The following CAMTA1 variants were observed in gnomAD, a reference collection of about 807,000 sequenced individuals.
The protein encoded by CAMTA1 is calmodulin binding transcription activator 1.
CAMTA1 carries 27 observed loss-of-function variants against 170.9 expected under a neutral mutation model. The ratio of observed to expected loss-of-function variants is 0.16; its 90% confidence interval spans 0.12 to 0.22. The LOEUF (loss-of-function observed/expected upper bound fraction) is 0.22. CAMTA1 is among the 10% of genes least tolerant of loss of function. CAMTA1 has a pLI of 1.00. For synonymous variants in CAMTA1, 833 were observed against 891.5 expected (o/e 0.93, Z 1.17); for missense variants, 1,619 against 2,217.2 (o/e 0.73, Z 5.42).
In CAMTA1 at chr1:6,865,426, TTA is replaced by T. The variant is rs928997388; in HGVS notation, c.234+40219_234+40220del. 4.6e-5 allele frequency among the ~76,000 whole-genome samples: 7 copies of T among 152,184 alleles called. No individual in the cohort carries two copies. In the East Asian group the frequency reaches 1.2e-3, roughly 25 times the overall value. On this transcript the variant is annotated intron_variant, in intron 3 of 22. Coordinates refer to ENST00000303635, the MANE Select transcript of CAMTA1 (RefSeq NM_015215.4). ...AGCCTGTTGAGGGAGAGGGAGAAAC[TTA>T]TAGATCCTTCAGCATTTCCAGTTGT...
rs556611613 is a variant in CAMTA1 at position 7,609,677 on chromosome 1, A to T, written c.511-30723A>T. On this transcript the variant is annotated intron_variant, in intron 6 of 22. Transcript: ENST00000303635. This position sits in a 1 kb window ranked among gnomAD's most constrained non-coding sequence, Gnocchi z 4.4. ...GACATTGGAGCTCCAGCCTCAAGTCAGATCCCCTGGACCCCAGATCTCTTC... is the reference window on the plus strand; with the variant it reads ...GACATTGGAGCTCCAGCCTCAAGTCTGATCCCCTGGACCCCAGATCTCTTC... Among the ~76,000 whole-genome samples, 5 of 152,340 alleles carry T rather than the reference A, an allele frequency of 3.3e-5. No homozygotes were observed. The highest frequency in any genetic ancestry group is 1.2e-4 in the African/African-American group (5 of 41,584).
chr1:7,582,947 CCTGT>C (rs1362760888), intron 6 of CAMTA1, among the ~76,000 whole-genome samples: 1 of 152,008 alleles, frequency 6.6e-6, no homozygotes, highest in Non-Finnish European at 1.5e-5. Flanking sequence ...CACAGTATCA[CCTGT>C]CTGTCTGCCC....
At chr1:6,920,146 G>A (rs754323215) in intron 3 of CAMTA1, among the ~76,000 whole-genome samples, 1 of 152,188 alleles carries the variant, frequency 6.6e-6, no homozygotes, top group African/African-American at 2.4e-5. Context: ...AAAATCAAAA[G>A]CAAGTTAGTT....
At chr1:6,792,159 T>C (rs368193210) in intron 1 of CAMTA1, among the ~76,000 whole-genome samples, 2 of 152,018 alleles carry the variant, frequency 1.3e-5, no homozygotes, top group African/African-American at 4.8e-5. Context: ...GGTTTCACCA[T>C]GTTGGCCAGG....
At chr1:7,042,429 C>T (rs548757809) in intron 3 of CAMTA1, among the ~76,000 whole-genome samples, 74 of 152,352 alleles carry the variant, frequency 4.9e-4, no homozygotes, top group Admixed American at 1.5e-3. Context: ...TTCCCTGCCT[C>T]TCCCTGTTCA....
chr1:7,262,459 G>C (rs1213437405), intron 5 of CAMTA1, among the ~76,000 whole-genome samples: 1 of 152,188 alleles, frequency 6.6e-6, no homozygotes, highest in East Asian at 1.9e-4. Flanking sequence ...CTACTCAGGA[G>C]GCTGAGGCAG....
intron 7 of CAMTA1, among the ~76,000 whole-genome samples, chr1:7,650,249 G>A (rs542394860): frequency 3.8e-4 from 58 of 152,330 alleles, no homozygotes; most frequent in African/African-American, 1.2e-3. Context: ...TGGTAACAAT[G>A]CCGCTTCGCA....
In CAMTA1 at chr1:7,272,712, A is replaced by AAAAAG. The variant is rs1553297771; in HGVS notation, c.438+23105_438+23109dup. ...ACATGCAAAAAAAAAAAAAAAAAAA[A>AAAAAG]AAAAGAAAAGAAAAGAAAAGAAATT... On this transcript the variant is annotated intron_variant, in intron 5 of 22. Coordinates refer to ENST00000303635, the MANE Select transcript of CAMTA1 (RefSeq NM_015215.4). 8.1e-3 allele frequency among the ~76,000 whole-genome samples: 884 copies of AAAAAG among 109,740 alleles called. 20 individuals are homozygous for AAAAAG. Among genetic ancestry groups the AAAAAG allele is most frequent in the Middle Eastern group, 0.014 (3 of 210 alleles). The allele number at this position is 109,740 out of a possible 152,430, so 72.0% of individuals were successfully genotyped here.
Position 7,580,338 on chromosome 1 carries a change from C to A in CAMTA1, c.511-60062C>A, listed in dbSNP as rs920843486. Among the ~76,000 whole-genome samples the A allele has an allele frequency of 2.1e-5, 3 of 141,128 alleles. No individual in the cohort carries two copies. Among genetic ancestry groups the A allele is most frequent in the African/African-American group, 9.6e-5 (3 of 31,266 alleles). The allele number at this position is 141,128 out of a possible 152,430, so 92.6% of individuals were successfully genotyped here. On this transcript the variant is annotated intron_variant, in intron 6 of 22. Transcript: ENST00000303635. This position sits in a 1 kb window ranked among gnomAD's most constrained non-coding sequence, Gnocchi z 4.3. ...GCAGGTGGAGAAGAGGAGGAGCTTT[C>A]TGGAAGGAAGCCCTGTGAATGAGGG...
chr1:7,183,391 A>G (rs1652617774), intron 4 of CAMTA1, among the ~76,000 whole-genome samples: 1 of 152,084 alleles, frequency 6.6e-6, no homozygotes, highest in Admixed American at 6.6e-5. Flanking sequence ...AGATATTCAA[A>G]CCATATCAGC....
chr1:7,285,095 C>T (rs569219150), intron 5 of CAMTA1, among the ~76,000 whole-genome samples: 4 of 152,262 alleles, frequency 2.6e-5, no homozygotes, highest in East Asian at 1.9e-4. Flanking sequence ...AGTGGCCATG[C>T]GTCCTAGAGA....
At chr1:7,484,844 G>A (rs766683391) in intron 6 of CAMTA1, among the ~76,000 whole-genome samples, 35 of 151,764 alleles carry the variant, frequency 2.3e-4, no homozygotes, top group Non-Finnish European at 3.7e-4. Context: ...ACAAAACCAC[G>A]TGATAACCCC....
chr1:7,322,929 C>T lies in CAMTA1; in HGVS notation c.438+73303C>T, dbSNP rs1375043313. Among the ~76,000 whole-genome samples, 3 of 145,068 alleles carry T rather than the reference C, an allele frequency of 2.1e-5. No individual in the cohort carries two copies. The East Asian group carries it at 6.3e-4, about 31-fold the overall frequency. Reference sequence around the variant, plus strand: ...CCTCTCCTTTCCTTTCCTTTCCTCCCTCTTCTCTTTCTTTCCCTCCCCTCC... The same window carrying T: ...CCTCTCCTTTCCTTTCCTTTCCTCCTTCTTCTCTTTCTTTCCCTCCCCTCC... On this transcript the variant is annotated intron_variant, in intron 5 of 22. Transcript: ENST00000303635.
intron 3 of CAMTA1, among the ~76,000 whole-genome samples, chr1:6,868,131 T>TTTTTTTTTTTTTTTTTTGAGAC (rs1667231410): frequency 6.6e-6 from 1 of 151,982 alleles, no homozygotes; most frequent in Admixed American, 6.6e-5. Context: ...TTTTAATTGT[T>TTTTTTTTTTTTTTTTTTGAGAC]GAATATACTT....
At position 7,275,288 on chromosome 1, in the gene CAMTA1, A is replaced by C. The variant is rs76950984; in HGVS notation, c.438+25662A>C. On this transcript the variant is annotated intron_variant, in intron 5 of 22. Transcript: ENST00000303635. ...GAAGTGCTTACACTATATTTACATT[A>C]AAATCAGTAAATGTAATTGATATTA... Among the ~76,000 whole-genome samples the C allele has an allele frequency of 9.0e-4, 137 of 152,210 alleles. 2 individuals carry two copies. The East Asian group carries it at 0.013, about 14-fold the overall frequency.
At chr1:7,317,346 T>C (rs1198786289) in intron 5 of CAMTA1, among the ~76,000 whole-genome samples, 1 of 152,194 alleles carries the variant, frequency 6.6e-6, no homozygotes, top group East Asian at 1.9e-4. Context: ...GGATGACAAC[T>C]CTGTGATCCA....
At chr1:7,754,106 G>A (rs2150193450) in intron 21 of CAMTA1, among the ~76,000 whole-genome samples, 1 of 152,240 alleles carries the variant, frequency 6.6e-6, no homozygotes, top group South Asian at 2.1e-4. Flanking sequence ...TACGTTCATA[G>A]TTCCTTCCTC....
In CAMTA1 at chr1:7,286,685, G is replaced by A. The variant is rs762315448; in HGVS notation, c.438+37059G>A. On this transcript the variant is annotated intron_variant, in intron 5 of 22. Transcript: ENST00000303635. The surrounding 1 kb of genome is among the most constrained non-coding windows in gnomAD (Gnocchi z 4.2). Reference sequence around the variant, plus strand: ...TCTCAGAGCATGTTAGGCTAAGATTGTAAAGGGTCTTAAATGACCCCAAAT... The same window carrying A: ...TCTCAGAGCATGTTAGGCTAAGATTATAAAGGGTCTTAAATGACCCCAAAT... 1.3e-5 allele frequency among the ~76,000 whole-genome samples: 2 copies of A among 152,216 alleles called. No individual in the cohort carries two copies. The highest frequency in any genetic ancestry group is 2.9e-5 in the Non-Finnish European group (2 of 68,042).
At chr1:6,955,608 G>A (rs1689320101) in intron 3 of CAMTA1, among the ~76,000 whole-genome samples, 2 of 152,158 alleles carry the variant, frequency 1.3e-5, no homozygotes, top group African/African-American at 4.8e-5. Context: ...TACTACTATT[G>A]TTGTGACTGT....
Sources: gnomAD v4.1 joint callset for allele counts (sites outside exome capture counted in the v4.1 genomes callset) on GRCh38, gnomAD v4.1.1 for gene constraint, Gnocchi (gnomAD v3.1) non-coding constraint, MANE v1.5 for transcripts, NCBI Gene and HGNC (gene_info 2026-07-23, HGNC 2026-07-21) for gene names.